Variants in LUC7L2 observed in about 807,000 individuals in gnomAD.
LUC7L2 encodes LUC7 like 2, pre-mRNA splicing factor.
A neutral mutation model predicts 52.8 loss-of-function variants in LUC7L2; 25 were observed. The ratio of observed to expected loss-of-function variants is 0.47; its 90% CI spans 0.34 to 0.66. The LOEUF (loss-of-function observed/expected upper bound fraction) is 0.66. Ranked by LOEUF, LUC7L2 falls within the 30% of genes least tolerant of loss-of-function variation. The probability of loss-of-function intolerance (pLI) is 0.01; values close to 1 mark genes in which losing one functional copy is unlikely to be tolerated. For synonymous variants in LUC7L2, 144 were observed against 160.9 expected, an observed-to-expected ratio of 0.89 and a Z score of 0.80; for missense variants, 328 against 497.8, an observed-to-expected ratio of 0.66 and a Z score of 3.25.
At chr7:139,357,604 T>C (rs1799643895), upstream of LUC7L2, among the ~76,000 whole-genome samples, 1 of 152,190 alleles carries the variant, frequency 6.6e-6, no homozygotes, top group Admixed American at 6.5e-5. Flanking sequence ...CCAAAGGATA[T>C]CCTAGTATTT....
At chr7:139,372,206 A>C (rs1800486365) in intron 1 of LUC7L2, among the ~76,000 whole-genome samples, 1 of 152,084 alleles carries the variant, frequency 6.6e-6, no homozygotes, top group Non-Finnish European at 1.5e-5. Context: ...TGTTGTTGAC[A>C]GAAGTAACTT....
At chr7:139,375,404 G>A (rs958679130) in intron 1 of LUC7L2, 7 of 985,246 alleles carry the variant, frequency 7.1e-6, no homozygotes, top group African/African-American at 5.2e-5. Flanking sequence ...TAAAGTTAAC[G>A]TTTCATTAGG....
At position 139,398,528 on chromosome 7, in the gene LUC7L2, A is replaced by G. The variant is rs79876152; in HGVS notation, c.157-71A>G. 190 of 1,247,600 alleles carry G rather than the reference A, an allele frequency of 1.5e-4. 1 individual carries two copies. The African/African-American group carries it at 2.6e-3, about 17-fold the overall frequency. 77.3% of individuals were successfully genotyped at this position (1,247,600 alleles called of 1,614,324 possible). ...ATGACTTAATATGTATTCTGACAAG[A>G]ACTGTGGTTGTTGAAGCATTTTTTA... On this transcript the variant is annotated intron_variant, in intron 2 of 9. Coordinates refer to ENST00000354926, the MANE Select transcript of LUC7L2 (RefSeq NM_016019.5).
At chr7:139,361,073 T>C (rs986881187) in intron 1 of LUC7L2, among the ~76,000 whole-genome samples, 1 of 152,246 alleles carries the variant, frequency 6.6e-6, no homozygotes, top group African/African-American at 2.4e-5. Flanking sequence ...CAAAGATCCT[T>C]TCAGGCGTTT....
intron 1 of LUC7L2, among the ~76,000 whole-genome samples, chr7:139,368,969 C>T (rs938312988): frequency 2.0e-5 from 3 of 152,118 alleles, no homozygotes; most frequent in African/African-American, 7.2e-5. Flanking sequence ...TCTATCACCT[C>T]TGTCCCTTGA....
At chr7:139,392,420 T>C in intron 2 of LUC7L2, 1 of 385,986 alleles carries the variant, frequency 2.6e-6, no homozygotes, top group Middle Eastern at 3.5e-4. Context: ...TTTAACTTTG[T>C]TACCTTTGTT....
intron 1 of LUC7L2, chr7:139,375,598 C>G: frequency 5.1e-6 from 5 of 985,880 alleles, no homozygotes; most frequent in Non-Finnish European, 4.8e-6. Flanking sequence ...GCAATGTTTG[C>G]AAGATTATTT....
intron 2 of LUC7L2, among the ~76,000 whole-genome samples, chr7:139,383,814 A>G (rs565372463): frequency 7.1e-6 from 1 of 140,244 alleles, no homozygotes; most frequent in South Asian, 2.3e-4. Flanking sequence ...GCTCACTGCA[A>G]CCTCCGCCTC....
chr7:139,373,523 A>G (rs1800559057), intron 1 of LUC7L2, among the ~76,000 whole-genome samples: 2 of 152,154 alleles, frequency 1.3e-5, no homozygotes, highest in Admixed American at 1.3e-4. Flanking sequence ...GTTTTTTGGC[A>G]TTTATAGAAA....
intron 1 of LUC7L2, among the ~76,000 whole-genome samples, chr7:139,350,009 G>A (rs2131154798): frequency 6.6e-6 from 1 of 152,224 alleles, no homozygotes; most frequent in East Asian, 1.9e-4. Context: ...CCACTGACCT[G>A]CTTGTTGTCA....
intron 2 of LUC7L2, among the ~76,000 whole-genome samples, chr7:139,385,506 A>G (rs899003189): frequency 6.6e-6 from 1 of 151,868 alleles, no homozygotes; most frequent in Non-Finnish European, 1.5e-5. Context: ...ATTTCTGTAG[A>G]GAGAGACTCT....
chr7:139,401,580 G>T (rs1251280567), intron 3 of LUC7L2, among the ~76,000 whole-genome samples: 1 of 151,938 alleles, frequency 6.6e-6, no homozygotes, highest in East Asian at 1.9e-4. Flanking sequence ...AGCCTCCCGA[G>T]TAGCTGGGAT....
chr7:139,370,455 G>A (rs1396780148), intron 1 of LUC7L2, among the ~76,000 whole-genome samples: 5 of 152,068 alleles, frequency 3.3e-5, no homozygotes, highest in Admixed American at 3.3e-4. Context: ...AAGACACAAG[G>A]GTTTTTTGTT....
At chr7:139,400,449 G>A (rs1484843867) in intron 3 of LUC7L2, among the ~76,000 whole-genome samples, 4 of 152,194 alleles carry the variant, frequency 2.6e-5, no homozygotes, top group South Asian at 2.1e-4. Context: ...TCAGGTTGCA[G>A]TGAGCCTAGA....
chr7:139,382,255 C>T (rs1801070925), intron 2 of LUC7L2, among the ~76,000 whole-genome samples: 1 of 152,050 alleles, frequency 6.6e-6, no homozygotes, highest in South Asian at 2.1e-4. Context: ...AAACTCTTGA[C>T]CTCAAGTGAT....
chr7:139,395,371 T>G (rs561377921), intron 2 of LUC7L2, among the ~76,000 whole-genome samples: 3 of 152,312 alleles, frequency 2.0e-5, no homozygotes, highest in African/African-American at 7.2e-5. Context: ...ATAGAAAGCT[T>G]TACTTTTTGT....
intron 1 of LUC7L2, among the ~76,000 whole-genome samples, chr7:139,368,737 CA>C (rs779546165): frequency 3.0e-3 from 332 of 110,584 alleles, no homozygotes; most frequent in Admixed American, 2.4e-3. Context: ...GACACCGTCT[CA>C]AAAAAAAAAA....
chr7:139,341,435 G>T (rs746933781), intron 1 of LUC7L2: 1 of 1,613,628 alleles, frequency 6.2e-7, no homozygotes, highest in South Asian at 1.1e-5. Context: ...TTCTGCGGGA[G>T]TTGCGCTACC....
chr7:139,393,511 T>A (rs977759857), intron 2 of LUC7L2, among the ~76,000 whole-genome samples: 10 of 151,946 alleles, frequency 6.6e-5, no homozygotes, highest in African/African-American at 2.4e-4. Flanking sequence ...GAGTGCACGA[T>A]CTCAGCTCAC....
Sources: gnomAD v4.1 joint callset for allele counts (sites outside exome capture counted in the v4.1 genomes callset) on GRCh38, gnomAD v4.1.1 for gene constraint, MANE v1.5 for transcripts, NCBI Gene and HGNC (gene_info 2026-07-23, HGNC 2026-07-21) for gene names.